ADAMTS16: variants seen among roughly 807,000 people sequenced by gnomAD.
ADAMTS16 encodes the protein ADAM metallopeptidase with thrombospondin type 1 motif 16, also known as A disintegrin and metalloproteinase with thrombospondin motifs 16.
A neutral mutation model predicts 145.8 loss-of-function variants in ADAMTS16; 94 were observed. That is an observed-to-expected ratio of 0.64 (90% CI 0.55 to 0.77). The LOEUF (loss-of-function observed/expected upper bound fraction) is 0.77. Among genes scored for constraint, ADAMTS16 ranks in the 30% least tolerant of loss-of-function variants. The probability of loss-of-function intolerance (pLI) is 0.00; values close to 1 mark genes in which losing one functional copy is unlikely to be tolerated. For synonymous variants in ADAMTS16, 659 were observed against 604.3 expected (o/e 1.09, Z -1.33); for missense variants, 1,585 against 1,591.5 (o/e 1.00, Z 0.07).
At chr5:5,222,316 A>AATGGATGGATGG (rs10664937) in intron 10 of ADAMTS16, among the ~76,000 whole-genome samples, 95 of 148,546 alleles carry the variant, frequency 6.4e-4, no homozygotes, top group Admixed American at 8.8e-4. Context: ...TGCATGGTTA[A>AATGGATGGATGG]ATGGATGGAT....
intron 10 of ADAMTS16, among the ~76,000 whole-genome samples, chr5:5,215,365 A>G (rs899588799): frequency 2.2e-4 from 33 of 152,202 alleles, no homozygotes; most frequent in African/African-American, 6.5e-4. Flanking sequence ...TCCATAAGTC[A>G]TTGGGGTACA....
At chr5:5,192,804 C>T (rs1735700432) in intron 8 of ADAMTS16, among the ~76,000 whole-genome samples, 1 of 152,110 alleles carries the variant, frequency 6.6e-6, no homozygotes, top group South Asian at 2.1e-4. Flanking sequence ...GCCAATAATT[C>T]TGTGAGCTGC....
At chr5:5,193,817 A>C (rs936310661) in intron 8 of ADAMTS16, among the ~76,000 whole-genome samples, 2 of 152,204 alleles carry the variant, frequency 1.3e-5, no homozygotes, top group African/African-American at 2.4e-5. Context: ...ATAAAGAAAG[A>C]AGCCAGTCGG....
At chr5:5,151,366 G>A (rs1015490026) in intron 3 of ADAMTS16, among the ~76,000 whole-genome samples, 1 of 151,664 alleles carries the variant, frequency 6.6e-6, no homozygotes, top group Non-Finnish European at 1.5e-5. Flanking sequence ...AGCCTCCCGA[G>A]TACCTGGGAT....
intron 18 of ADAMTS16, among the ~76,000 whole-genome samples, chr5:5,302,905 A>G (rs1453392645): frequency 6.6e-6 from 1 of 152,182 alleles, no homozygotes; most frequent in African/African-American, 2.4e-5. Context: ...GAAAATTGTG[A>G]AGGCTGAGTG....
intron 20 of ADAMTS16, among the ~76,000 whole-genome samples, chr5:5,305,536 C>A (rs1394315332): frequency 7.3e-6 from 1 of 136,826 alleles, no homozygotes; most frequent in African/African-American, 2.6e-5. Context: ...ACACATCCCA[C>A]ACCATACACA....
At chr5:5,286,140 A>T (rs1228498625) in intron 18 of ADAMTS16, among the ~76,000 whole-genome samples, 1 of 152,206 alleles carries the variant, frequency 6.6e-6, no homozygotes, top group Non-Finnish European at 1.5e-5. Context: ...GAACTAGAGA[A>T]TGAGGTCTTT....
chr5:5,260,902 T>G (rs1737990547), intron 17 of ADAMTS16, among the ~76,000 whole-genome samples: 1 of 152,188 alleles, frequency 6.6e-6, no homozygotes, highest in Non-Finnish European at 1.5e-5. Context: ...GTCTGTCCCT[T>G]TGCTCCTCTG....
chr5:5,151,677 T>C (rs1734462426), intron 3 of ADAMTS16, among the ~76,000 whole-genome samples: 1 of 98,612 alleles, frequency 1.0e-5, no homozygotes, highest in Admixed American at 1.2e-4. Context: ...CATAGTTCCC[T>C]TTGTGTGTGT....
chr5:5,294,220 T>G lies in ADAMTS16; in HGVS notation c.2790-9048T>G, dbSNP rs146505002. Among the ~76,000 whole-genome samples, 901 of 152,340 alleles carry G rather than the reference T, an allele frequency of 5.9e-3. 7 individuals carry two copies. The highest frequency in any genetic ancestry group is 0.02 in the African/African-American group (838 of 41,572). On this transcript the variant is annotated intron_variant, in intron 18 of 22. Coordinates refer to ENST00000274181, the MANE Select transcript of ADAMTS16 (RefSeq NM_139056.4). ...TTCTGCAAAGAACCAGAACCAATTA[T>G]ATGCGGATGTGCCTGTGTGAGGTAA...
intron 17 of ADAMTS16, among the ~76,000 whole-genome samples, chr5:5,258,444 G>A (rs189152573): frequency 2.0e-5 from 3 of 152,224 alleles, no homozygotes; most frequent in South Asian, 2.1e-4. Context: ...ACCCAGCCAC[G>A]GACCTGCTGC....
chr5:5,141,531 C>A (rs1199900638), intron 2 of ADAMTS16, among the ~76,000 whole-genome samples: 1 of 152,164 alleles, frequency 6.6e-6, no homozygotes, highest in East Asian at 1.9e-4. Context: ...GGTTTTTTAA[C>A]CTGAACCCAT....
chr5:5,206,550 G>A (rs1736127010), intron 9 of ADAMTS16, among the ~76,000 whole-genome samples: 1 of 150,672 alleles, frequency 6.6e-6, no homozygotes, highest in African/African-American at 2.4e-5. Context: ...TATGATCTCG[G>A]CTCACTGTGA....
intron 3 of ADAMTS16, among the ~76,000 whole-genome samples, chr5:5,147,078 C>CG (rs1560922845): frequency 1.3e-5 from 2 of 152,236 alleles, no homozygotes; most frequent in African/African-American, 4.8e-5. Flanking sequence ...GACGCTAGAG[C>CG]CGGGGGCTTA....
intron 21 of ADAMTS16, among the ~76,000 whole-genome samples, chr5:5,312,268 A>C (rs1223967658): frequency 1.3e-5 from 2 of 152,130 alleles, no homozygotes; most frequent in East Asian, 3.9e-4. Flanking sequence ...CCCCTCCCCC[A>C]AAAGTATTCC....
chr5:5,170,329 G>A (rs561538112), intron 3 of ADAMTS16, among the ~76,000 whole-genome samples: 2 of 151,922 alleles, frequency 1.3e-5, no homozygotes, highest in African/African-American at 2.4e-5. Context: ...GTCTTCTCTC[G>A]AGAAACGTCT....
rs1239807512 is a variant in ADAMTS16, at chr5:5,232,482, G to C, written c.1816G>C (p.Val606Leu). ...ATGCTCCAGGACCTGCGGAGGGGGA[G>C]TATCTCATAGGAGTCGCCTCTGCAC... The part of the protein sequence containing the change: ...SPCSRTCGGG[V>L]SHRSRLCTNP... Residue 606 changes from valine to leucine, a missense_variant, in exon 12 of 23, where the codon GTA becomes CTA. This residue lies in a region of ADAMTS16 where 834 missense variants were observed against 811.7 expected (regional missense o/e 1.03). Coordinates refer to ENST00000274181, the MANE Select transcript of ADAMTS16 (RefSeq NM_139056.4). 3 of 1,613,518 alleles carry C rather than the reference G, an allele frequency of 1.9e-6. No homozygotes were observed. The highest frequency in any genetic ancestry group is 2.5e-6 in the Non-Finnish European group (3 of 1,179,744).
chr5:5,260,998 G>C (rs1242753382), intron 17 of ADAMTS16, among the ~76,000 whole-genome samples: 1 of 152,192 alleles, frequency 6.6e-6, no homozygotes, highest in Non-Finnish European at 1.5e-5. Flanking sequence ...GGCTGCAGAG[G>C]AGTGAGAACA....
At chr5:5,288,281 C>T (rs11749960) in intron 18 of ADAMTS16, among the ~76,000 whole-genome samples, 128,901 of 152,174 alleles carry the variant, frequency 0.85, 55,030 homozygotes, top group Non-Finnish European at 0.89. Context: ...AACCATCTCC[C>T]GTGGGAAGGT....
Sources: gnomAD v4.1 joint callset for allele counts (sites outside exome capture counted in the v4.1 genomes callset) on GRCh38, gnomAD v4.1.1 for gene constraint, gnomAD v4.1.1 regional missense constraint, MANE v1.5 for transcripts, NCBI Gene and HGNC (gene_info 2026-07-23, HGNC 2026-07-21) for gene names.